The following SPATA17 variants were observed in gnomAD, a reference collection of about 807,000 sequenced individuals.
SPATA17 encodes spermatogenesis associated 17, also known as spermatogenesis-associated protein 17.
In SPATA17, 53 loss-of-function variants were observed where a neutral mutation model predicts 62.2. The ratio of observed to expected loss-of-function variants is 0.85; its 90% CI spans 0.68 to 1.07. The LOEUF (loss-of-function observed/expected upper bound fraction) is 1.07, where lower values mean the gene tolerates loss of function less well. SPATA17 is among the 50% of genes least tolerant of loss of function. The pLI is 0.00. For synonymous variants in SPATA17, 146 were observed against 146.8 expected (o/e 0.99, Z 0.04); for missense variants, 466 against 425.5 (o/e 1.10, Z -0.84).
intron 10 of SPATA17, among the ~76,000 whole-genome samples, chr1:217,864,245 C>T (rs1374746051): frequency 6.6e-6 from 1 of 152,048 alleles, no homozygotes; most frequent in Non-Finnish European, 1.5e-5. Context: ...TGTATGACTT[C>T]AGCTTTTAAC....
intron 6 of SPATA17, among the ~76,000 whole-genome samples, chr1:217,748,360 A>G (rs1206350079): frequency 1.3e-5 from 2 of 152,030 alleles, no homozygotes; most frequent in Non-Finnish European, 2.9e-5. Flanking sequence ...GTCTGTTGAT[A>G]TGAAAAACAG....
In SPATA17 at chr1:217,870,234, G is replaced by A. The variant is rs991750355; in HGVS notation, c.*3215G>A. ...CTTCTCTGTTCTTCCAGAGAAGGTG[G>A]TACTCAGATAAAAACTTTGAAGCAT... is the stretch of plus-strand genomic sequence containing the variant. On this transcript the variant is annotated 3_prime_UTR_variant, in exon 11 of 11. Coordinates refer to ENST00000366933, the MANE Select transcript of SPATA17 (RefSeq NM_138796.4). 3.3e-5 allele frequency: 5 copies of A among 152,078 alleles called. No homozygotes were observed. Among genetic ancestry groups the A allele is most frequent in the Admixed American group, 6.6e-5 (1 of 15,262 alleles). 9.4% of individuals were successfully genotyped at this position (152,078 alleles called of 1,614,324 possible).
chr1:217,802,405 C>A (rs986979408), intron 9 of SPATA17, among the ~76,000 whole-genome samples: 1 of 152,144 alleles, frequency 6.6e-6, no homozygotes, highest in African/African-American at 2.4e-5. Flanking sequence ...ACTCAGACTG[C>A]CACAACAAAG....
chr1:217,647,493 A>G (rs1327459793), intron 1 of SPATA17, among the ~76,000 whole-genome samples: 1 of 152,182 alleles, frequency 6.6e-6, no homozygotes, highest in Non-Finnish European at 1.5e-5. Flanking sequence ...AATAGATAAG[A>G]CTACTTCCTT....
At chr1:217,689,800 A>G (rs1671303949) in intron 5 of SPATA17, among the ~76,000 whole-genome samples, 1 of 151,668 alleles carries the variant, frequency 6.6e-6, no homozygotes, top group Admixed American at 6.6e-5. Context: ...TTTTGCATTT[A>G]TCATCTGCTT....
At chr1:217,828,067 G>A (rs1016138753) in intron 9 of SPATA17, among the ~76,000 whole-genome samples, 1 of 151,986 alleles carries the variant, frequency 6.6e-6, no homozygotes, top group Non-Finnish European at 1.5e-5. Flanking sequence ...TTCACATAAA[G>A]AGAAAACAAA....
intron 9 of SPATA17, among the ~76,000 whole-genome samples, chr1:217,832,938 C>T (rs1332713950): frequency 6.6e-6 from 1 of 151,340 alleles, no homozygotes; most frequent in African/African-American, 2.4e-5. Context: ...AGTGAGACCC[C>T]GTCTCAAAGA....
intron 9 of SPATA17, among the ~76,000 whole-genome samples, chr1:217,840,664 G>T (rs1296973438): frequency 6.6e-6 from 1 of 151,814 alleles, no homozygotes; most frequent in Non-Finnish European, 1.5e-5. Flanking sequence ...TAGAGACCAG[G>T]CCTGGGCAAC....
At chr1:217,685,652 C>G (rs1571730308) in intron 5 of SPATA17, among the ~76,000 whole-genome samples, 1 of 152,222 alleles carries the variant, frequency 6.6e-6, no homozygotes, top group East Asian at 1.9e-4. Context: ...GTACTAATAT[C>G]AAACCATCAT....
intron 9 of SPATA17, among the ~76,000 whole-genome samples, chr1:217,827,450 T>C (rs949633755): frequency 2.0e-5 from 3 of 152,120 alleles, no homozygotes; most frequent in Non-Finnish European, 2.9e-5. Flanking sequence ...AGTTCAACCA[T>C]TGTGGAAGAC....
intron 9 of SPATA17, among the ~76,000 whole-genome samples, chr1:217,834,291 G>T (rs1675211248): frequency 6.6e-6 from 1 of 152,148 alleles, no homozygotes; most frequent in Non-Finnish European, 1.5e-5. Flanking sequence ...TACTATAATA[G>T]AATTTTTATT....
intron 9 of SPATA17, among the ~76,000 whole-genome samples, chr1:217,834,480 A>T (rs1031608677): frequency 3.9e-5 from 6 of 152,146 alleles, no homozygotes; most frequent in African/African-American, 1.4e-4. Flanking sequence ...ATGGTGACGT[A>T]GATGATCATG....
At chr1:217,806,688 C>T (rs1379609620) in intron 9 of SPATA17, among the ~76,000 whole-genome samples, 3 of 152,164 alleles carry the variant, frequency 2.0e-5, no homozygotes, top group Admixed American at 6.6e-5. Flanking sequence ...TTTTTCTAGG[C>T]ACTGGAAATA....
chr1:217,847,658 A>G (rs1239728749), intron 9 of SPATA17, among the ~76,000 whole-genome samples: 1 of 152,150 alleles, frequency 6.6e-6, no homozygotes, highest in Non-Finnish European at 1.5e-5. Flanking sequence ...GAAATGTAAA[A>G]ATGTTCAGAT....
chr1:217,767,415 T>C (rs957125298), intron 6 of SPATA17, among the ~76,000 whole-genome samples: 1 of 152,208 alleles, frequency 6.6e-6, no homozygotes, highest in Non-Finnish European at 1.5e-5. Flanking sequence ...TAACATCAGT[T>C]TGGGTAAATT....
At chr1:217,851,868 T>C (rs1264088629) in intron 9 of SPATA17, among the ~76,000 whole-genome samples, 1 of 152,202 alleles carries the variant, frequency 6.6e-6, no homozygotes. Flanking sequence ...ATTTAAAGAC[T>C]TTAAGATAAG....
intron 6 of SPATA17, among the ~76,000 whole-genome samples, chr1:217,748,985 A>G (rs756430468): frequency 3.3e-5 from 5 of 151,934 alleles, no homozygotes; most frequent in African/African-American, 7.3e-5. Flanking sequence ...TATATTTGGT[A>G]TATTTGGAAA....
At chr1:217,701,833 C>T (rs1292186350) in intron 5 of SPATA17, among the ~76,000 whole-genome samples, 2 of 152,006 alleles carry the variant, frequency 1.3e-5, no homozygotes, top group Non-Finnish European at 2.9e-5. Context: ...CTTAAATCTG[C>T]TCTCAATGTG....
chr1:217,700,744 G>A (rs1671577010), intron 5 of SPATA17, among the ~76,000 whole-genome samples: 1 of 147,704 alleles, frequency 6.8e-6, no homozygotes, highest in African/African-American at 2.5e-5. Context: ...GCGCCGCCAT[G>A]GCTAATTTTT....
Sources: gnomAD v4.1 joint callset for allele counts (sites outside exome capture counted in the v4.1 genomes callset) on GRCh38, gnomAD v4.1.1 for gene constraint, MANE v1.5 for transcripts, NCBI Gene and HGNC (gene_info 2026-07-23, HGNC 2026-07-21) for gene names.